Variants in LRRC7 observed in about 807,000 individuals in gnomAD.
LRRC7 encodes leucine rich repeat containing 7, also known as leucine-rich repeat-containing protein 7.
A neutral mutation model predicts 175.7 loss-of-function variants in LRRC7; 23 were observed. That is an observed-to-expected ratio of 0.13 (90% CI 0.09 to 0.19). The LOEUF (loss-of-function observed/expected upper bound fraction) is 0.19, where lower values mean the gene tolerates loss of function less well. LRRC7 is among the 10% of genes least tolerant of loss of function. The pLI, the probability that LRRC7 is intolerant of heterozygous loss-of-function variation, is 1.00. For missense variants in LRRC7, 1,354 were observed against 1,904.7 expected, an observed-to-expected ratio of 0.71 and a Z score of 5.38; for synonymous variants, 685 against 680.9, an observed-to-expected ratio of 1.01 and a Z score of -0.09.
At chr1:69,611,030 AT>A (rs1473254643) in intron 1 of LRRC7, among the ~76,000 whole-genome samples, 2 of 151,992 alleles carry the variant, frequency 1.3e-5, no homozygotes, top group East Asian at 3.9e-4. Flanking sequence ...GCTAAATTGA[AT>A]TCAACAAAAG....
At chr1:70,042,458 C>T (rs536293338) in intron 21 of LRRC7, among the ~76,000 whole-genome samples, 1 of 152,168 alleles carries the variant, frequency 6.6e-6, no homozygotes, top group African/African-American at 2.4e-5. Context: ...TGCCTAGAGT[C>T]TTGGACATTG....
intron 7 of LRRC7, among the ~76,000 whole-genome samples, chr1:69,882,489 A>G (rs996025948): frequency 1.3e-5 from 2 of 152,202 alleles, no homozygotes; most frequent in African/African-American, 4.8e-5. Flanking sequence ...GGATAAAGAA[A>G]TTGCATTATA....
At chr1:69,729,493 C>T (rs945299819) in intron 2 of LRRC7, among the ~76,000 whole-genome samples, 3 of 152,092 alleles carry the variant, frequency 2.0e-5, no homozygotes, top group African/African-American at 7.2e-5. Flanking sequence ...GAGCCACAGG[C>T]CCCATGCAAG....
intron 11 of LRRC7, among the ~76,000 whole-genome samples, chr1:69,995,956 C>G (rs1371604187): frequency 4.9e-4 from 73 of 149,284 alleles, no homozygotes; most frequent in African/African-American, 1.8e-3. Context: ...ATTTCTAGTT[C>G]TAGATCCCTG....
At chr1:70,011,638 A>G (rs1656518177) in intron 11 of LRRC7, among the ~76,000 whole-genome samples, 159 bp from the exon 12 acceptor site, 1 of 152,174 alleles carries the variant, frequency 6.6e-6, no homozygotes, top group South Asian at 2.1e-4. Flanking sequence ...TAAACCATTT[A>G]TTTGATAGTA....
At chr1:69,943,727 G>A (rs965260098) in intron 8 of LRRC7, among the ~76,000 whole-genome samples, 10 of 152,040 alleles carry the variant, frequency 6.6e-5, no homozygotes, top group African/African-American at 1.9e-4. Context: ...TGCAAATAGG[G>A]CTTTAAAGCT....
chr1:70,098,143 T>A (rs1027558370), intron 25 of LRRC7, among the ~76,000 whole-genome samples: 9 of 152,202 alleles, frequency 5.9e-5, no homozygotes, highest in African/African-American at 2.2e-4. Flanking sequence ...GACTTTTGAA[T>A]GATTGCCATT....
intron 7 of LRRC7, among the ~76,000 whole-genome samples, chr1:69,910,924 G>T (rs190774119): frequency 6.6e-6 from 1 of 152,182 alleles, no homozygotes. Flanking sequence ...CCCCAGCCTC[G>T]CTGCCGCCTT....
chr1:70,135,641 T>C lies in LRRC7; in HGVS notation c.*13754T>C, dbSNP rs972738380. On this transcript the variant is annotated 3_prime_UTR_variant, in exon 27 of 27. Coordinates refer to ENST00000651989, the MANE Select transcript of LRRC7 (RefSeq NM_001370785.2). ...AGTGAATATCCATCATATTCAAGACTTCACTTTTATTGATGATCATTAAGC... is the reference window on the plus strand; with the variant it reads ...AGTGAATATCCATCATATTCAAGACCTCACTTTTATTGATGATCATTAAGC... 6.6e-6 allele frequency among the ~76,000 whole-genome samples: 1 copy of C among 152,248 alleles called. No homozygotes were observed. Among genetic ancestry groups the C allele is most frequent in the African/African-American group, 2.4e-5 (1 of 41,456 alleles).
intron 1 of LRRC7, among the ~76,000 whole-genome samples, chr1:69,602,625 G>T (rs1410820689): frequency 6.6e-6 from 1 of 152,132 alleles, no homozygotes; most frequent in African/African-American, 2.4e-5. Flanking sequence ...CAACAAAAAT[G>T]TATTCTTTCA....
At chr1:70,028,466 A>AT (rs1036855791) in intron 18 of LRRC7, 95 bp downstream of exon 18, 9 of 1,043,048 alleles carry the variant, frequency 8.6e-6, no homozygotes, top group Admixed American at 5.5e-5. Flanking sequence ...TGATAAGTGC[A>AT]TTTTTTTCCT....
At position 70,142,028 on chromosome 1, in the gene LRRC7, A is replaced by ATATT. The variant is rs1667081380; in HGVS notation, c.*20143_*20146dup. On this transcript the variant is annotated 3_prime_UTR_variant, in exon 27 of 27. Transcript: ENST00000651989. ...CCCTTCCCCAACCCTCTACTAAAGAATATTTCTTATTTAGTCAGGAAATCT... is the reference window on the plus strand; with the variant it reads ...CCCTTCCCCAACCCTCTACTAAAGAATATTTATTTCTTATTTAGTCAGGAAATCT... The ATATT allele has an allele frequency of 6.6e-6, 1 of 151,836 alleles. No homozygotes were observed. Among genetic ancestry groups the ATATT allele is most frequent in the Admixed American group, 6.6e-5 (1 of 15,238 alleles). The allele number at this position is 151,836 out of a possible 1,614,324, so 9.4% of individuals were successfully genotyped here.
intron 1 of LRRC7, among the ~76,000 whole-genome samples, chr1:69,574,358 T>A (rs1645860519): frequency 6.6e-6 from 1 of 152,108 alleles, no homozygotes; most frequent in African/African-American, 2.4e-5. Flanking sequence ...GGAAAAGAGC[T>A]GCTAGACAAG....
intron 7 of LRRC7, among the ~76,000 whole-genome samples, chr1:69,912,999 G>A (rs1646579553): frequency 6.6e-6 from 1 of 151,592 alleles, no homozygotes; most frequent in Admixed American, 6.6e-5. Context: ...GATAATCATA[G>A]GAAAGAAAAC....
rs115217048 is a variant in LRRC7 at position 69,896,015 on chromosome 1, T to A, written c.648-35492T>A. On this transcript the variant is annotated intron_variant, in intron 7 of 26. Coordinates refer to ENST00000651989, the MANE Select transcript of LRRC7 (RefSeq NM_001370785.2). ...TCTATGGTATTAGAAATTACAATACTGGTTATCTTTTGGGAAGTATGATAT... is the reference window on the plus strand; with the variant it reads ...TCTATGGTATTAGAAATTACAATACAGGTTATCTTTTGGGAAGTATGATAT... Among the ~76,000 whole-genome samples, 1,283 of 152,310 alleles carry A rather than the reference T, an allele frequency of 8.4e-3. 23 individuals are homozygous for A. The highest frequency in any genetic ancestry group is 0.029 in the African/African-American group (1,213 of 41,562).
intron 1 of LRRC7, among the ~76,000 whole-genome samples, chr1:69,666,042 G>A (rs1357415085): frequency 4.6e-5 from 7 of 151,982 alleles, no homozygotes; most frequent in Non-Finnish European, 7.4e-5. Flanking sequence ...AAGGGATGTC[G>A]AATGTTATCA....
intron 1 of LRRC7, among the ~76,000 whole-genome samples, chr1:69,645,117 TA>T (rs1654820797): frequency 6.6e-6 from 1 of 152,062 alleles, no homozygotes; most frequent in East Asian, 1.9e-4. Context: ...CTAGCCATGG[TA>T]GTACAGTAAG....
At chr1:69,710,278 CAAAAAAAAAA>C (rs77553066) in intron 2 of LRRC7, among the ~76,000 whole-genome samples, 1 of 87,214 alleles carries the variant, frequency 1.1e-5, no homozygotes, top group Non-Finnish European at 2.2e-5. Context: ...GACTCCGTCT[CAAAAAAAAAA>C]AAAAAAAAAA....
intron 8 of LRRC7, among the ~76,000 whole-genome samples, chr1:69,974,958 T>A (rs1652658208): frequency 6.6e-6 from 1 of 152,324 alleles, no homozygotes; most frequent in African/African-American, 2.4e-5. Context: ...GTAAACTTCA[T>A]CAAATTATTC....
Sources: gnomAD v4.1 joint callset for allele counts (sites outside exome capture counted in the v4.1 genomes callset) on GRCh38, gnomAD v4.1.1 for gene constraint, MANE v1.5 for transcripts, NCBI Gene and HGNC (gene_info 2026-07-23, HGNC 2026-07-21) for gene names.